Variants in RPS6KC1 observed in about 807,000 individuals in gnomAD.
RPS6KC1 encodes ribosomal protein S6 kinase C1.
A neutral mutation model predicts 103.8 loss-of-function variants in RPS6KC1; 54 were observed. That is an observed-to-expected ratio of 0.52 (90% CI 0.42 to 0.65). RPS6KC1 has a LOEUF of 0.65. Among genes scored for constraint, RPS6KC1 ranks in the 30% least tolerant of loss-of-function variants. The probability of loss-of-function intolerance (pLI) is 0.00; values close to 1 mark genes in which losing one functional copy is unlikely to be tolerated. For synonymous variants in RPS6KC1, 439 were observed against 438.7 expected (o/e 1.00, Z -0.01); for missense variants, 1,151 against 1,253.8 (o/e 0.92, Z 1.24).
chr1:213,497,582 G>A, the RPS6KC1 span, among the ~76,000 whole-genome samples: 1 of 151,980 alleles, frequency 6.6e-6, no homozygotes, highest in Non-Finnish European at 1.5e-5. Flanking sequence ...AGCAGTAACA[G>A]GATTAAAATT....
At chr1:213,823,416 T>C in the RPS6KC1 span, among the ~76,000 whole-genome samples, 1 of 152,250 alleles carries the variant, frequency 6.6e-6, no homozygotes, top group Non-Finnish European at 1.5e-5. Flanking sequence ...AATGAATTGA[T>C]GAATGAGTGT....
At chr1:213,777,658 C>T in the RPS6KC1 span, among the ~76,000 whole-genome samples, 10 of 152,158 alleles carry the variant, frequency 6.6e-5, no homozygotes, top group Non-Finnish European at 1.2e-4. Flanking sequence ...CCAAAATCCG[C>T]AATGTCTGCA....
At chr1:213,193,255 G>T (rs1034325193) in intron 8 of RPS6KC1, among the ~76,000 whole-genome samples, 6 of 151,860 alleles carry the variant, frequency 4.0e-5, no homozygotes, top group Admixed American at 3.3e-4. Context: ...TTTCTTTTTT[G>T]ATTTTCTTTT....
At chr1:213,665,852 C>G in the RPS6KC1 span, among the ~76,000 whole-genome samples, 3 of 151,948 alleles carry the variant, frequency 2.0e-5, no homozygotes, top group Admixed American at 6.6e-5. Context: ...GTAGTAAATA[C>G]AAAGAATAAG....
chr1:213,819,311 T>C, the RPS6KC1 span: 2 of 152,206 alleles, frequency 1.3e-5, no homozygotes, highest in Non-Finnish European at 2.9e-5. Flanking sequence ...CTACTGAAAT[T>C]ATATAGTGCG....
At chr1:213,827,869 ATAATCT>A in the RPS6KC1 span, among the ~76,000 whole-genome samples, 2 of 152,130 alleles carry the variant, frequency 1.3e-5, no homozygotes, top group Non-Finnish European at 1.5e-5. Flanking sequence ...ACTTCGGCTA[ATAATCT>A]TAATCAATAT....
At chr1:213,424,150 T>C in the RPS6KC1 span, among the ~76,000 whole-genome samples, 1 of 152,200 alleles carries the variant, frequency 6.6e-6, no homozygotes, top group Non-Finnish European at 1.5e-5. Flanking sequence ...TTCAACCTAT[T>C]GGCAAGACCA....
the RPS6KC1 span, among the ~76,000 whole-genome samples, chr1:213,402,090 T>G: frequency 8.5e-5 from 13 of 152,120 alleles, no homozygotes; most frequent in Admixed American, 2.0e-4. Flanking sequence ...TTTAAAAAAT[T>G]CAGGTTAGTA....
the RPS6KC1 span, among the ~76,000 whole-genome samples, chr1:213,563,145 AGTTAT>A: frequency 3.3e-5 from 5 of 152,142 alleles, no homozygotes; most frequent in East Asian, 1.9e-4. Flanking sequence ...TATATTTCAG[AGTTAT>A]GTTATGTGTA....
the RPS6KC1 span, among the ~76,000 whole-genome samples, chr1:213,300,831 A>G: frequency 6.6e-6 from 1 of 152,134 alleles, no homozygotes; most frequent in South Asian, 2.1e-4. Flanking sequence ...ATTTTAGTAA[A>G]ACAACTTTCT....
the RPS6KC1 span, among the ~76,000 whole-genome samples, chr1:213,282,264 G>A: frequency 6.6e-6 from 1 of 152,224 alleles, no homozygotes; most frequent in African/African-American, 2.4e-5. Flanking sequence ...ATTGGGCAGG[G>A]TGACTGCGGA....
chr1:213,630,389 C>T, the RPS6KC1 span, among the ~76,000 whole-genome samples: 2 of 152,192 alleles, frequency 1.3e-5, no homozygotes, highest in Non-Finnish European at 2.9e-5. Flanking sequence ...GAGGCTTCTG[C>T]ATTCGTCATG....
At chr1:213,798,362 A>C in the RPS6KC1 span, among the ~76,000 whole-genome samples, 3 of 152,202 alleles carry the variant, frequency 2.0e-5, no homozygotes, top group South Asian at 6.2e-4. Flanking sequence ...CTTCAGCCCA[A>C]GCAGGCCAAG....
the RPS6KC1 span, among the ~76,000 whole-genome samples, chr1:213,747,211 A>G: frequency 6.6e-6 from 1 of 152,260 alleles, no homozygotes; most frequent in Middle Eastern, 3.4e-3. Flanking sequence ...GAGTTTGTAG[A>G]GTCCTTGGAG....
At chr1:213,552,616 A>G in the RPS6KC1 span, among the ~76,000 whole-genome samples, 10 of 152,302 alleles carry the variant, frequency 6.6e-5, no homozygotes, top group South Asian at 2.1e-3. Context: ...CTCTTTTGCA[A>G]ATATTTTCTC....
chr1:213,063,924 T>C (rs1158908380), intron 1 of RPS6KC1, among the ~76,000 whole-genome samples: 2 of 152,192 alleles, frequency 1.3e-5, no homozygotes, highest in Non-Finnish European at 2.9e-5. Context: ...TAGTAGAGTG[T>C]AAGGTAATAC....
chr1:213,288,893 C>A, the RPS6KC1 span, among the ~76,000 whole-genome samples: 28 of 152,208 alleles, frequency 1.8e-4, no homozygotes, highest in African/African-American at 6.5e-4. Context: ...ATCTCTCCAC[C>A]CTTCCTTTAA....
chr1:213,407,419 G>A, the RPS6KC1 span, among the ~76,000 whole-genome samples: 1 of 152,162 alleles, frequency 6.6e-6, no homozygotes, highest in East Asian at 1.9e-4. Flanking sequence ...GGAGGGAGAA[G>A]AAGGGACTGA....
At chr1:213,854,275 G>T in the RPS6KC1 span, among the ~76,000 whole-genome samples, 7 of 152,112 alleles carry the variant, frequency 4.6e-5, no homozygotes, top group Non-Finnish European at 1.0e-4. Context: ...CTCATTTTCT[G>T]GGCTACTTTT....
Sources: gnomAD v4.1 joint callset for allele counts (sites outside exome capture counted in the v4.1 genomes callset) on GRCh38, gnomAD v4.1.1 for gene constraint, MANE v1.5 for transcripts, NCBI Gene and HGNC (gene_info 2026-07-23, HGNC 2026-07-21) for gene names.